DNAJC16: variants seen among roughly 807,000 people sequenced by gnomAD.
The protein encoded by DNAJC16 is dnaJ homolog subfamily C member 16.
A neutral mutation model predicts 92.7 loss-of-function variants in DNAJC16; 76 were observed. That is an observed-to-expected ratio of 0.82 (90% CI 0.68 to 0.99). The LOEUF (loss-of-function observed/expected upper bound fraction) is 0.99, where lower values mean the gene tolerates loss of function less well. DNAJC16 is among the 50% of genes least tolerant of loss of function. The pLI is 0.00. For synonymous variants in DNAJC16, 328 were observed against 358.7 expected (o/e 0.91, Z 0.97); for missense variants, 869 against 942.4 (o/e 0.92, Z 1.02).
At chr1:15,528,949 G>T in intron 1 of DNAJC16, 139 bp from the exon 2 acceptor site, 1 of 632,470 alleles carries the variant, frequency 1.6e-6, no homozygotes. Flanking sequence ...TTAAGATACA[G>T]TTCAACAGCT....
intron 4 of DNAJC16, among the ~76,000 whole-genome samples, chr1:15,540,021 T>C (rs1216492417): frequency 6.6e-6 from 1 of 151,282 alleles, no homozygotes; most frequent in Non-Finnish European, 1.5e-5. Flanking sequence ...AGCAAAACTC[T>C]GTCTCAAAAA....
intron 2 of DNAJC16, among the ~76,000 whole-genome samples, chr1:15,530,048 A>C (rs1425589876): frequency 6.6e-6 from 1 of 151,874 alleles, no homozygotes; most frequent in Non-Finnish European, 1.5e-5. Context: ...TCAAAATAGA[A>C]AATATTATAT....
chr1:15,569,514 G>A lies in DNAJC16; in HGVS notation c.*1337G>A, dbSNP rs781140298. The stretch of plus-strand genomic sequence containing the variant: ...ATTTTTCAGGGCAGAATGACCAGTG[G>A]TTCTGAGTTTGAGTTTGGACAGCTT... On this transcript the variant is annotated 3_prime_UTR_variant, in exon 15 of 15. Transcript: ENST00000375847. The A allele has an allele frequency of 2.6e-5, 4 of 152,108 alleles. No individual in the cohort carries two copies. The highest frequency in any genetic ancestry group is 5.9e-5 in the Non-Finnish European group (4 of 68,020). The allele number at this position is 152,108 out of a possible 1,614,324, so 9.4% of individuals were successfully genotyped here. A position where few individuals can be genotyped will look rare whatever the true frequency, so the allele number is the denominator to read the frequency against.
Position 15,568,182 on chromosome 1 carries a change from A to T in DNAJC16, c.*5A>T. ...TCATGGCCTGAACTAGACTGAGAGG[A>T]TTTTCCAAAGAGATTTGAACTCTTC... On this transcript the variant is annotated 3_prime_UTR_variant, in exon 15 of 15. Coordinates refer to ENST00000375847, the MANE Select transcript of DNAJC16 (RefSeq NM_015291.4). The T allele has an allele frequency of 6.3e-7, 1 of 1,592,152 alleles. No individual in the cohort carries two copies. Among genetic ancestry groups the T allele is most frequent in the Non-Finnish European group, 8.6e-7 (1 of 1,169,170 alleles).
At position 15,536,829 on chromosome 1, in the gene DNAJC16, T is replaced by G; in HGVS notation, c.574+15T>G. On this transcript the variant is annotated intron_variant, in intron 4 of 14. Transcript: ENST00000375847. ...GGAAGAATTGGGTAAGATAATTTTA[T>G]TCACTGAAAGATATTTATATAGATG... The G allele has an allele frequency of 6.3e-7, 1 of 1,579,852 alleles. No homozygotes were observed. Among genetic ancestry groups the G allele is most frequent in the South Asian group, 1.2e-5 (1 of 85,092 alleles).
rs768926003 is a variant in DNAJC16 at position 15,562,136 on chromosome 1, G to A, written c.1155-6G>A. 6.2e-7 allele frequency: 1 copy of A among 1,611,978 alleles called. No individual in the cohort carries two copies. Among genetic ancestry groups the A allele is most frequent in the South Asian group, 1.1e-5 (1 of 90,886 alleles). On this transcript the variant is annotated splice_polypyrimidine_tract_variant and splice_region_variant and intron_variant, in intron 8 of 14. Coordinates refer to ENST00000375847, the MANE Select transcript of DNAJC16 (RefSeq NM_015291.4). ...GGTTATAAAGTTTTGTCTTTTTGTT[G>A]TGCAGGTACTGTGTGGTTTTATTGA... is the stretch of plus-strand genomic sequence containing the variant.
rs142445126 is a variant in DNAJC16, at chr1:15,558,538, C to T, written c.1024-988C>T. The stretch of plus-strand genomic sequence containing the variant: ...GTAGAGATGGGATCTCTCCATGTTG[C>T]ACAGGCTGGTCTCTAACTCTTGGGT... On this transcript the variant is annotated intron_variant, in intron 7 of 14. Transcript: ENST00000375847. Among the ~76,000 whole-genome samples, 423 of 152,138 alleles carry T rather than the reference C, an allele frequency of 2.8e-3. 1 individual carries two copies. Among genetic ancestry groups the T allele is most frequent in the Non-Finnish European group, 4.4e-3 (299 of 67,994 alleles).
intron 1 of DNAJC16, among the ~76,000 whole-genome samples, chr1:15,528,003 G>C (rs1710560611): frequency 6.6e-6 from 1 of 152,200 alleles, no homozygotes; most frequent in Admixed American, 6.5e-5. Context: ...AATGAATTAA[G>C]TCACTGTACT....
intron 2 of DNAJC16, among the ~76,000 whole-genome samples, chr1:15,529,729 CAAA>C (rs972367640): frequency 6.8e-6 from 1 of 146,486 alleles, no homozygotes; most frequent in Non-Finnish European, 1.5e-5. Context: ...CTTTTGCCTC[CAAA>C]AAAAAAAATT....
chr1:15,551,279 G>A (rs893506460), intron 7 of DNAJC16, among the ~76,000 whole-genome samples: 1 of 152,256 alleles, frequency 6.6e-6, no homozygotes, highest in Non-Finnish European at 1.5e-5. Context: ...GAGCTGGGAA[G>A]TGTGCATAAA....
chr1:15,558,426 A>G (rs990832775), intron 7 of DNAJC16, among the ~76,000 whole-genome samples: 4 of 152,044 alleles, frequency 2.6e-5, no homozygotes, highest in Non-Finnish European at 4.4e-5. Flanking sequence ...AGCTCAAGCA[A>G]TCCTCCTGCT....
At chr1:15,562,460 C>T in intron 9 of DNAJC16, 135 bp downstream of exon 9, 1 of 969,424 alleles carries the variant, frequency 1.0e-6, no homozygotes. Context: ...TCAAAGTCTA[C>T]TCTTTTGTTT....
intron 7 of DNAJC16, among the ~76,000 whole-genome samples, chr1:15,553,260 G>A (rs1638490421): frequency 6.6e-6 from 1 of 150,830 alleles, no homozygotes. Flanking sequence ...TTGAGATGGA[G>A]TTTCACTCTT....
chr1:15,564,080 T>A lies in DNAJC16; in HGVS notation c.1490T>A (p.Val497Glu). The A allele has an allele frequency of 1.2e-6, 2 of 1,614,182 alleles. No individual in the cohort carries two copies. The highest frequency in any genetic ancestry group is 2.2e-5 in the South Asian group (2 of 91,082). The change falls in exon 10 of 15, where the codon GTG (valine) becomes GAG (glutamate). Residue 497 changes from valine (V) to glutamate (E), a missense_variant. Physicochemically the swap from Val to Glu is moderately radical, Grantham distance 121. Transcript: ENST00000375847. ...KDPALLSSEAVLPDLTDELAP... is the reference protein window; with the variant it reads ...KDPALLSSEAELPDLTDELAP... ...CCAGCTCTTCTGTCCTCTGAAGCAGTGCTTCCTGACCTGACCGATGAACTT... is the reference window on the plus strand; with the variant it reads ...CCAGCTCTTCTGTCCTCTGAAGCAGAGCTTCCTGACCTGACCGATGAACTT...
chr1:15,546,896 T>G, intron 6 of DNAJC16, 25 bp downstream of exon 6: 1 of 1,448,638 alleles, frequency 6.9e-7, no homozygotes, highest in Non-Finnish European at 9.3e-7. Context: ...AGGATAATGG[T>G]TTCTTTTTCT....
chr1:15,534,212 C>T (rs778726379), intron 2 of DNAJC16, 25 bp from the exon 3 acceptor site: 13 of 1,613,288 alleles, frequency 8.1e-6, no homozygotes, highest in Non-Finnish European at 1.1e-5. Flanking sequence ...CATCCTTTCT[C>T]ACCGCCTGCC....
chr1:15,559,757 C>T, intron 8 of DNAJC16, 101 bp downstream of exon 8: 3 of 1,480,890 alleles, frequency 2.0e-6, no homozygotes, highest in Non-Finnish European at 1.8e-6. Flanking sequence ...ACATTGAGAA[C>T]TTATTCTTCA....
At chr1:15,567,725 C>T (rs1638851759) in intron 14 of DNAJC16, 53 bp from the exon 15 acceptor site, 1 of 1,527,152 alleles carries the variant, frequency 6.5e-7, no homozygotes, top group African/African-American at 1.4e-5. Flanking sequence ...ATTTTCTCAG[C>T]AATTAAATGT....
At chr1:15,554,513 G>A (rs1444526613) in intron 7 of DNAJC16, among the ~76,000 whole-genome samples, 3 of 152,028 alleles carry the variant, frequency 2.0e-5, no homozygotes, top group Non-Finnish European at 4.4e-5. Flanking sequence ...TTATATTTAA[G>A]TATTTAAAAT....
Sources: allele counts gnomAD v4.1 joint callset (sites outside exome capture counted in the v4.1 genomes callset), GRCh38; gene constraint gnomAD v4.1.1; transcripts MANE v1.5; gene names NCBI Gene and HGNC (gene_info 2026-07-23, HGNC 2026-07-21).